HDLBP: variants seen among roughly 807,000 people sequenced by gnomAD.
HDLBP encodes the protein high density lipoprotein binding protein.
Under a neutral mutation model 137.3 loss-of-function variants are expected in HDLBP, and 30 were observed. That is an observed-to-expected ratio of 0.22 (90% CI 0.16 to 0.30). The LOEUF is 0.30. Among genes scored for constraint, HDLBP ranks in the 10% least tolerant of loss-of-function variants. HDLBP has a pLI of 1.00. For missense variants in HDLBP, 1,119 were observed against 1,667.3 expected (o/e 0.67, Z 5.73); for synonymous variants, 606 against 596.0 (o/e 1.02, Z -0.24).
At position 241,229,533 on chromosome 2, in the gene HDLBP, T is replaced by C. The variant is rs956478120; in HGVS notation, c.*68A>G. ...CGGAGGGTCCAGCCGCTGGGTCAGA[T>C]TGAGACAAACCATTGTGTGGTTGGG... On this transcript the variant is annotated 3_prime_UTR_variant, in exon 28 of 28. Transcript: ENST00000310931. 3.4e-6 allele frequency: 4 copies of C among 1,191,676 alleles called. No homozygotes were observed. Among genetic ancestry groups the C allele is most frequent in the Non-Finnish European group, 4.9e-6 (4 of 808,306 alleles). 73.8% of individuals were successfully genotyped at this position (1,191,676 alleles called of 1,614,324 possible).
intron 1 of HDLBP, among the ~76,000 whole-genome samples, chr2:241,274,119 A>AAGG (rs2074300203): frequency 2.6e-5 from 4 of 152,172 alleles, no homozygotes; most frequent in Admixed American, 2.6e-4. Context: ...GGTGGGTAAA[A>AAGG]TTCAAGGAAG....
chr2:241,260,357 T>G (rs2149507981), intron 5 of HDLBP, among the ~76,000 whole-genome samples: 1 of 152,140 alleles, frequency 6.6e-6, no homozygotes, highest in Middle Eastern at 3.4e-3. Context: ...GGAACAAAAC[T>G]GAAAGGAGGG....
intron 2 of HDLBP, chr2:241,267,454 C>A (rs1574974314): frequency 2.3e-6 from 2 of 870,460 alleles, no homozygotes; most frequent in African/African-American, 3.3e-5. Context: ...CCACCCCTAA[C>A]CGCAGGGGTG....
At chr2:241,235,952 A>G (rs1218972384) in intron 21 of HDLBP, among the ~76,000 whole-genome samples, 1 of 151,508 alleles carries the variant, frequency 6.6e-6, no homozygotes, top group African/African-American at 2.4e-5. Context: ...TCGGACCACT[A>G]CTCACCTTCC....
intron 12 of HDLBP, 31 bp downstream of exon 12, chr2:241,249,810 C>A: frequency 6.4e-7 from 1 of 1,574,444 alleles, no homozygotes; most frequent in Admixed American, 1.9e-5. Flanking sequence ...AAGGCCAGTG[C>A]CTTTCTAGAG....
At chr2:241,257,199 C>T (rs945338432) in intron 5 of HDLBP, among the ~76,000 whole-genome samples, 2 of 152,224 alleles carry the variant, frequency 1.3e-5, no homozygotes, top group South Asian at 2.1e-4. Flanking sequence ...TTAACTTCCA[C>T]AAACAACAAC....
In HDLBP at chr2:241,240,077, G is replaced by A; in HGVS notation, c.2215C>T (p.His739Tyr). The A allele has an allele frequency of 6.2e-7, 1 of 1,614,146 alleles. No homozygotes were observed. The highest frequency in any genetic ancestry group is 8.5e-7 in the Non-Finnish European group (1 of 1,180,028). The change falls in exon 18 of 28, where the codon CAC becomes TAC. Residue 739 changes from histidine (H) to tyrosine (Y), a missense_variant. By Grantham distance (83) the His-to-Tyr change is moderately conservative. Transcript: ENST00000310931. The surrounding 1 kb of genome is among the most constrained non-coding windows in gnomAD (Gnocchi z 5.5). ...CCCCCCTTGCCGATGAGGAATTTGT[G>A]GTATTCTGGCTTGGCGCGGATGTCA... ...TVDIRAKPEY[H>Y]KFLIGKGGGK...
intron 1 of HDLBP, among the ~76,000 whole-genome samples, chr2:241,288,143 C>G (rs768067023): frequency 6.6e-6 from 1 of 152,192 alleles, no homozygotes; most frequent in Non-Finnish European, 1.5e-5. Flanking sequence ...TTAAGTATCA[C>G]CAGGTACTAC....
chr2:241,305,948 G>C (rs1440766231), intron 1 of HDLBP, among the ~76,000 whole-genome samples: 3 of 151,988 alleles, frequency 2.0e-5, no homozygotes, highest in South Asian at 2.1e-4. Flanking sequence ...TTTTAGTAGA[G>C]ACGGGGTCTC....
chr2:241,243,364 A>T (rs897224043), intron 16 of HDLBP, among the ~76,000 whole-genome samples: 2 of 152,232 alleles, frequency 1.3e-5, no homozygotes, highest in Non-Finnish European at 2.9e-5. Flanking sequence ...GGATCACAGG[A>T]AACAGTGCCT....
chr2:241,257,044 C>G (rs1441016591), intron 5 of HDLBP, among the ~76,000 whole-genome samples: 1 of 152,156 alleles, frequency 6.6e-6, no homozygotes, highest in African/African-American at 2.4e-5. Context: ...CTGGAATATA[C>G]ACCCACAAAG....
At chr2:241,291,938 A>G (rs1011872567) in intron 1 of HDLBP, among the ~76,000 whole-genome samples, 1 of 152,228 alleles carries the variant, frequency 6.6e-6, no homozygotes, top group East Asian at 1.9e-4. Context: ...CCAGATACCC[A>G]GACTCTAGAC....
chr2:241,262,232 T>C (rs2073256334), intron 5 of HDLBP, among the ~76,000 whole-genome samples: 1 of 152,220 alleles, frequency 6.6e-6, no homozygotes. Flanking sequence ...GAACCACCCA[T>C]CTTTACCATT....
intron 5 of HDLBP, among the ~76,000 whole-genome samples, chr2:241,259,315 C>T (rs1157183799): frequency 6.6e-6 from 1 of 152,158 alleles, no homozygotes; most frequent in African/African-American, 2.4e-5. Context: ...GAGGAGGGAG[C>T]AGGGTGAAGG....
intron 1 of HDLBP, chr2:241,268,971 C>T (rs2073876994): frequency 6.6e-6 from 1 of 152,198 alleles, no homozygotes; most frequent in Admixed American, 6.5e-5. Flanking sequence ...AGAATGTGGA[C>T]CTCGGGGTCT....
At chr2:241,254,108 ACT>A (rs1267006881) in intron 9 of HDLBP, among the ~76,000 whole-genome samples, 3 of 151,902 alleles carry the variant, frequency 2.0e-5, no homozygotes, top group Admixed American at 1.3e-4. Flanking sequence ...AACTAGTAAG[ACT>A]CTGCCTCCAC....
chr2:241,227,493 A>G lies in HDLBP; in HGVS notation c.*2108T>C, dbSNP rs1414047234. On this transcript the variant is annotated 3_prime_UTR_variant, in exon 28 of 28. Coordinates refer to ENST00000310931, the MANE Select transcript of HDLBP (RefSeq NM_005336.6). ...CCTCACCCCTGCCTCATCTCTGCCC[A>G]GGGCTGTCCTGACAGCACAGACGCT... 1.3e-5 allele frequency: 2 copies of G among 152,616 alleles called. No homozygotes were observed. The highest frequency in any genetic ancestry group is 2.9e-5 in the Non-Finnish European group (2 of 68,088). The allele number at this position is 152,616 out of a possible 1,614,324, so 9.5% of individuals were successfully genotyped here.
At chr2:241,305,309 GATGGGGTTTC>G (rs1360451831) in intron 1 of HDLBP, among the ~76,000 whole-genome samples, 1 of 152,196 alleles carries the variant, frequency 6.6e-6, no homozygotes, top group Non-Finnish European at 1.5e-5. Flanking sequence ...TTTTAGTAGA[GATGGGGTTTC>G]ACCATGTTGG....
In HDLBP at chr2:241,236,354, G is replaced by A. The variant is rs540201150; in HGVS notation, c.2904+261C>T. On this transcript the variant is annotated intron_variant, in intron 21 of 27. Coordinates refer to ENST00000310931, the MANE Select transcript of HDLBP (RefSeq NM_005336.6). ...CCCTTCCACAGCCCCCGCACCCACC[G>A]TGGGCCTGAGAGGCCGGATCCCATG... The A allele has an allele frequency of 5.6e-4, 288 of 514,322 alleles. 1 individual carries two copies. Among genetic ancestry groups the A allele is most frequent in the Non-Finnish European group, 8.5e-4 (244 of 286,262 alleles). 31.9% of individuals were successfully genotyped at this position (514,322 alleles called of 1,614,324 possible). A position where few individuals can be genotyped will look rare whatever the true frequency, so the allele number is the denominator to read the frequency against.
Sources: allele counts gnomAD v4.1 joint callset (sites outside exome capture counted in the v4.1 genomes callset), GRCh38; gene constraint gnomAD v4.1.1; non-coding constraint Gnocchi (gnomAD v3.1); transcripts MANE v1.5; gene names NCBI Gene and HGNC (gene_info 2026-07-23, HGNC 2026-07-21).